Variants in GDAP1 observed in about 807,000 individuals in gnomAD.
GDAP1 encodes the protein ganglioside-induced differentiation-associated protein 1.
Under a neutral mutation model 40.1 loss-of-function variants are expected in GDAP1, and 34 were observed. The ratio of observed to expected loss-of-function variants is 0.85; its 90% CI spans 0.64 to 1.13. GDAP1 has a LOEUF of 1.13. Ranked by LOEUF, GDAP1 falls within the 50% of genes most tolerant of loss-of-function variation. The pLI is 0.00. For synonymous variants in GDAP1, 170 were observed against 157.4 expected, an observed-to-expected ratio of 1.08 and a Z score of -0.60; for missense variants, 374 against 433.7, an observed-to-expected ratio of 0.86 and a Z score of 1.22.
chr8:74,426,796 G>A (rs1219314189), intron 2 of GDAP1, among the ~76,000 whole-genome samples: 1 of 151,802 alleles, frequency 6.6e-6, no homozygotes, highest in Non-Finnish European at 1.5e-5. Flanking sequence ...TGTTTTTATT[G>A]TTAACTTTTT....
rs1302515869 is a variant in GDAP1, at chr8:74,467,610, A to G, written c.166-21068A>G. Among the ~76,000 whole-genome samples the G allele has an allele frequency of 2.0e-5, 3 of 152,194 alleles. No homozygotes were observed. The East Asian group carries it at 5.8e-4, about 29-fold the overall frequency. On this transcript the variant is annotated intron_variant, in intron 2 of 2. Coordinates refer to the GDAP1 transcript ENST00000523640. ...TGGTTACAATAAAGCTGCTAGGTTC[A>G]CTGCAGCACAGAGAGTAGGTTCTTG...
intron 5 of GDAP1, 83 bp downstream of exon 5, chr8:74,363,136 C>A: frequency 1.3e-6 from 1 of 745,922 alleles, no homozygotes; most frequent in Non-Finnish European, 2.4e-6. Context: ...CAAAAACGTT[C>A]TGTAATCTGC....
At chr8:74,350,930 G>T (rs1461246155) in intron 1 of GDAP1, among the ~76,000 whole-genome samples, 2 of 152,146 alleles carry the variant, frequency 1.3e-5, no homozygotes, top group African/African-American at 4.8e-5. Flanking sequence ...TTGCTCTCTC[G>T]CATTCACTGT....
chr8:74,433,927 G>A (rs1173104400), intron 2 of GDAP1, among the ~76,000 whole-genome samples: 1 of 152,222 alleles, frequency 6.6e-6, no homozygotes, highest in African/African-American at 2.4e-5. Flanking sequence ...CTGGAGAACT[G>A]TGCAGTCTGT....
intron 2 of GDAP1, among the ~76,000 whole-genome samples, chr8:74,433,656 A>G (rs1361939111): frequency 6.6e-6 from 1 of 152,154 alleles, no homozygotes; most frequent in Non-Finnish European, 1.5e-5. Flanking sequence ...GGTATCTTCA[A>G]CTGTTTTTTC....
At chr8:74,413,355 T>A (rs1188105048) in intron 2 of GDAP1, among the ~76,000 whole-genome samples, 1 of 149,768 alleles carries the variant, frequency 6.7e-6, no homozygotes, top group African/African-American at 2.6e-5. Context: ...CATTCCCCCT[T>A]CCGGGTCCAG....
intron 2 of GDAP1, among the ~76,000 whole-genome samples, chr8:74,378,859 A>G (rs1809903022): frequency 6.6e-6 from 1 of 152,220 alleles, no homozygotes; most frequent in Non-Finnish European, 1.5e-5. Flanking sequence ...GTGAGTTTAC[A>G]GGAGTACATA....
chr8:74,399,313 C>G (rs1810274868), intron 2 of GDAP1, among the ~76,000 whole-genome samples: 1 of 150,038 alleles, frequency 6.7e-6, no homozygotes, highest in Non-Finnish European at 1.5e-5. Flanking sequence ...TCCATTTCTT[C>G]TAGATTTTCT....
At chr8:74,396,806 C>T (rs1810208167) in intron 2 of GDAP1, among the ~76,000 whole-genome samples, 1 of 152,154 alleles carries the variant, frequency 6.6e-6, no homozygotes, top group Non-Finnish European at 1.5e-5. Context: ...AATAGTGCCG[C>T]AATAAACATA....
chr8:74,375,316 G>T (rs1340617654), intron 2 of GDAP1, among the ~76,000 whole-genome samples: 1 of 134,600 alleles, frequency 7.4e-6, no homozygotes. Flanking sequence ...CATGGAGCGA[G>T]ACTCTGTCTC....
rs575741270 is a variant in GDAP1, at chr8:74,459,414, G to C, written c.166-29264G>C. On this transcript the variant is annotated intron_variant, in intron 2 of 2. Coordinates refer to the GDAP1 transcript ENST00000523640. ...ATGACACACAGACCTTTTTAAAAAT[G>C]CAAGTCCCAGAGCGACCTCTGTGGA... is the stretch of plus-strand genomic sequence containing the variant. Among the ~76,000 whole-genome samples the C allele has an allele frequency of 3.3e-5, 5 of 152,232 alleles. 1 individual carries two copies. The Middle Eastern group carries it at 0.017, about 518-fold the overall frequency.
intron 2 of GDAP1, among the ~76,000 whole-genome samples, chr8:74,472,920 G>A (rs979003300): frequency 6.6e-6 from 1 of 151,634 alleles, no homozygotes; most frequent in Non-Finnish European, 1.5e-5. Context: ...GCTAATTTTT[G>A]TATTTTTTTT....
At chr8:74,436,482 G>C (rs1348650981) in intron 2 of GDAP1, among the ~76,000 whole-genome samples, 1 of 147,310 alleles carries the variant, frequency 6.8e-6, no homozygotes, top group Non-Finnish European at 1.5e-5. Flanking sequence ...GAGTGCAGTG[G>C]TGTGATCTCG....
At chr8:74,355,696 G>A (rs1172227156) in intron 2 of GDAP1, among the ~76,000 whole-genome samples, 1 of 152,066 alleles carries the variant, frequency 6.6e-6, no homozygotes, top group Non-Finnish European at 1.5e-5. Flanking sequence ...AAATTATATG[G>A]AATAACTATA....
Position 74,362,923 on chromosome 8 carries a change from T to C in GDAP1, c.580-16T>C, listed in dbSNP as rs754181609. 4 of 1,119,666 alleles carry C rather than the reference T, an allele frequency of 3.6e-6. No homozygotes were observed. In the African/African-American group the frequency reaches 6.1e-5, roughly 17 times the overall value. The allele number at this position is 1,119,666 out of a possible 1,614,324, so 69.4% of individuals were successfully genotyped here. The stretch of plus-strand genomic sequence containing the variant: ...GCAAATAATATGTTTGGTTTCTTTT[T>C]TTGGTGGTTAATTAGTCAAAGCTGC... On this transcript the variant is annotated splice_polypyrimidine_tract_variant and intron_variant, in intron 4 of 5. Coordinates refer to ENST00000220822, the MANE Select transcript of GDAP1 (RefSeq NM_018972.4).
At chr8:74,469,290 AT>A (rs1237571704) in intron 2 of GDAP1, among the ~76,000 whole-genome samples, 5 of 152,004 alleles carry the variant, frequency 3.3e-5, no homozygotes, top group South Asian at 4.1e-4. Flanking sequence ...AAAAATTAGG[AT>A]TTTTTTCCTT....
In GDAP1 at chr8:74,396,991, G is replaced by A. The variant is rs371088856; in HGVS notation, c.165+45670G>A. Among the ~76,000 whole-genome samples the A allele has an allele frequency of 4.6e-5, 7 of 152,078 alleles. No homozygotes were observed. In the East Asian group the frequency reaches 5.8e-4, roughly 13 times the overall value. On this transcript the variant is annotated intron_variant, in intron 2 of 2. Transcript: ENST00000523640. ...CCACCAACAGTGTAAAAGTGTTCCT[G>A]TTTCTCCACATCCTCTCTAGCACCT...
intron 2 of GDAP1, among the ~76,000 whole-genome samples, chr8:74,428,463 T>G (rs568396287): frequency 6.6e-6 from 1 of 150,888 alleles, no homozygotes; most frequent in Non-Finnish European, 1.5e-5. Context: ...TTTTCTTGAT[T>G]GTTTTGTTTT....
chr8:74,483,917 A>C (rs58494355), intron 2 of GDAP1, among the ~76,000 whole-genome samples: 4,476 of 152,238 alleles, frequency 0.029, 217 homozygotes, highest in African/African-American at 0.1. Context: ...CTTTCCTTCC[A>C]AGTGGTCACG....
Sources: allele counts gnomAD v4.1 joint callset (sites outside exome capture counted in the v4.1 genomes callset), GRCh38; gene constraint gnomAD v4.1.1; transcripts MANE v1.5; gene names NCBI Gene and HGNC (gene_info 2026-07-23, HGNC 2026-07-21).